Variants in LOC128462377 observed in about 807,000 individuals in gnomAD.
the LOC128462377 span, among the ~76,000 whole-genome samples, chr16:89,334,343 T>C: frequency 1.3e-5 from 2 of 151,834 alleles, no homozygotes; most frequent in African/African-American, 2.4e-5. Flanking sequence ...GTTGGTGACA[T>C]GTGAGGGTAC....
the LOC128462377 span, chr16:89,361,724 T>G: frequency 6.6e-6 from 1 of 152,192 alleles, no homozygotes; most frequent in Non-Finnish European, 1.5e-5. Flanking sequence ...GAAATATCAC[T>G]TTCAAGCTTA....
chr16:89,359,348 G>A, the LOC128462377 span, among the ~76,000 whole-genome samples: 20 of 152,268 alleles, frequency 1.3e-4, 1 homozygote, highest in African/African-American at 4.6e-4. Flanking sequence ...CGCACGTACA[G>A]CCCTTTAAAA....
the LOC128462377 span, among the ~76,000 whole-genome samples, chr16:89,402,637 G>T: frequency 8.0e-5 from 12 of 150,086 alleles, no homozygotes; most frequent in Admixed American, 2.0e-4. Flanking sequence ...AGCTGTGGGT[G>T]GGGGGGGCAG....
the LOC128462377 span, among the ~76,000 whole-genome samples, chr16:89,363,220 G>GT: frequency 6.6e-6 from 1 of 152,150 alleles, no homozygotes; most frequent in African/African-American, 2.4e-5. Flanking sequence ...TCAGAAATAG[G>GT]TAAGTTTTCA....
the LOC128462377 span, among the ~76,000 whole-genome samples, chr16:89,394,081 C>T: frequency 1.3e-5 from 2 of 152,198 alleles, no homozygotes; most frequent in South Asian, 2.1e-4. Flanking sequence ...CTCCCTAGCC[C>T]TCCTGGAGAC....
chr16:89,321,920 T>C, the LOC128462377 span, among the ~76,000 whole-genome samples: 1 of 152,122 alleles, frequency 6.6e-6, no homozygotes, highest in Non-Finnish European at 1.5e-5. Flanking sequence ...ACGAAAGCCA[T>C]TCGTGGAGAC....
the LOC128462377 span, among the ~76,000 whole-genome samples, chr16:89,336,359 C>G: frequency 3.9e-3 from 590 of 152,326 alleles, 2 homozygotes; most frequent in African/African-American, 0.014. Context: ...GACCTAGAGG[C>G]GGGTGTGCGT....
At chr16:89,402,668 G>C in the LOC128462377 span, among the ~76,000 whole-genome samples, 1 of 150,110 alleles carries the variant, frequency 6.7e-6, no homozygotes, top group Non-Finnish European at 1.5e-5. Context: ...TGAGGTGAAG[G>C]GGGTGGTTCT....
the LOC128462377 span, among the ~76,000 whole-genome samples, chr16:89,326,139 C>A: frequency 6.6e-6 from 1 of 152,166 alleles, no homozygotes; most frequent in African/African-American, 2.4e-5. Context: ...GAAAAGCAGG[C>A]GTGTGTGTTA....
At chr16:89,371,795 G>T in the LOC128462377 span, among the ~76,000 whole-genome samples, 3 of 152,168 alleles carry the variant, frequency 2.0e-5, no homozygotes, top group Admixed American at 6.5e-5. Flanking sequence ...TCAAGGCCAC[G>T]CCCTCTGCCC....
chr16:89,332,185 C>G, the LOC128462377 span, among the ~76,000 whole-genome samples: 1 of 152,028 alleles, frequency 6.6e-6, no homozygotes. Flanking sequence ...GAATGTGTCA[C>G]AGAAATGACT....
chr16:89,341,501 G>A, the LOC128462377 span, among the ~76,000 whole-genome samples: 1 of 152,242 alleles, frequency 6.6e-6, no homozygotes, highest in Non-Finnish European at 1.5e-5. Context: ...CTTAGCAACG[G>A]CTCTAAACAT....
At chr16:89,379,115 C>T in the LOC128462377 span, among the ~76,000 whole-genome samples, 8 of 152,334 alleles carry the variant, frequency 5.3e-5, no homozygotes, top group Non-Finnish European at 1.0e-4. Flanking sequence ...CCAGGAAGGC[C>T]TTTCTCACTG....
chr16:89,332,744 C>T, the LOC128462377 span, among the ~76,000 whole-genome samples: 1 of 152,228 alleles, frequency 6.6e-6, no homozygotes. Context: ...GGAAAGTGCC[C>T]CGCTGCCCTG....
the LOC128462377 span, among the ~76,000 whole-genome samples, chr16:89,329,155 C>T: frequency 1.3e-5 from 2 of 152,252 alleles, no homozygotes; most frequent in Non-Finnish European, 1.5e-5. Context: ...CAGGACAAAA[C>T]CACCAACCTC....
At chr16:89,362,201 T>C in the LOC128462377 span, among the ~76,000 whole-genome samples, 1 of 152,256 alleles carries the variant, frequency 6.6e-6, no homozygotes, top group Admixed American at 6.5e-5. Flanking sequence ...AACTGCCTTC[T>C]TCTTCCCCTT....
chr16:89,391,953 T>A, the LOC128462377 span, among the ~76,000 whole-genome samples: 1 of 152,240 alleles, frequency 6.6e-6, no homozygotes, highest in Admixed American at 6.5e-5. Flanking sequence ...AAGCATTAGG[T>A]CACGGCCTGT....
chr16:89,415,125 T>G, the LOC128462377 span, among the ~76,000 whole-genome samples: 1 of 151,906 alleles, frequency 6.6e-6, no homozygotes, highest in South Asian at 2.1e-4. Context: ...GGCTCATTTT[T>G]TTATTTTTTG....
the LOC128462377 span, among the ~76,000 whole-genome samples, chr16:89,342,300 C>G: frequency 1.3e-5 from 2 of 152,382 alleles, no homozygotes; most frequent in African/African-American, 4.8e-5. Flanking sequence ...AGCCCAGGCT[C>G]AGACCTCAGA....
Sources: allele counts gnomAD v4.1 joint callset (sites outside exome capture counted in the v4.1 genomes callset), GRCh38; gene constraint gnomAD v4.1.1; transcripts MANE v1.5.